RANBP2: variants seen among roughly 807,000 people sequenced by gnomAD.
The protein encoded by RANBP2 is RAN binding protein 2, also known as E3 SUMO-protein ligase RanBP2.
In RANBP2, 57 loss-of-function variants were observed where a neutral mutation model predicts 303.6. That is an observed-to-expected ratio of 0.19 (90% confidence interval 0.15 to 0.23). The LOEUF (loss-of-function observed/expected upper bound fraction) is 0.23. Among genes scored for constraint, RANBP2 ranks in the 10% least tolerant of loss-of-function variants. The pLI is 1.00. For missense variants in RANBP2, 3,138 were observed against 3,780.8 expected (o/e 0.83, Z 4.46); for synonymous variants, 1,167 against 1,301.5 (o/e 0.90, Z 2.23).
At chr2:108,845,511 T>C in the RANBP2 span, among the ~76,000 whole-genome samples, 1 of 152,142 alleles carries the variant, frequency 6.6e-6, no homozygotes, top group African/African-American at 2.4e-5. Context: ...TTTAAGTTTT[T>C]ACCAAATCTG....
At chr2:109,117,926 G>A in the RANBP2 span, among the ~76,000 whole-genome samples, 1 of 152,196 alleles carries the variant, frequency 6.6e-6, no homozygotes, top group Admixed American at 6.5e-5. Flanking sequence ...CTGCCTTGAG[G>A]AACAGAATGC....
At chr2:108,895,483 A>G in the RANBP2 span, 1 of 152,286 alleles carries the variant, frequency 6.6e-6, no homozygotes, top group Non-Finnish European at 1.5e-5. Flanking sequence ...CAGTTTATTA[A>G]CTTTCTGCCT....
At chr2:108,877,685 A>C in the RANBP2 span, among the ~76,000 whole-genome samples, 1 of 152,320 alleles carries the variant, frequency 6.6e-6, no homozygotes, top group South Asian at 2.1e-4. Flanking sequence ...TCTGAAGAAA[A>C]GAACAGAACA....
the RANBP2 span, among the ~76,000 whole-genome samples, chr2:109,088,656 C>T: frequency 1.3e-5 from 2 of 151,902 alleles, no homozygotes. Flanking sequence ...GGACAATAGG[C>T]GTGCACCACC....
At chr2:109,133,600 G>A in the RANBP2 span, among the ~76,000 whole-genome samples, 2 of 151,982 alleles carry the variant, frequency 1.3e-5, no homozygotes, top group African/African-American at 2.4e-5. Flanking sequence ...TGAATAGAGC[G>A]TCATTTAGAT....
chr2:108,782,714 G>A lies in RANBP2; in HGVS notation c.9221G>A (p.Gly3074Asp). 6.2e-7 allele frequency: 1 copy of A among 1,614,200 alleles called. No individual in the cohort carries two copies. The highest frequency in any genetic ancestry group is 1.1e-5 in the South Asian group (1 of 91,084). Reference protein sequence around the residue: ...PVVFFDVCADGEPLGRITMEL... With the variant: ...PVVFFDVCADDEPLGRITMEL... ...GTGTTTTTTGATGTTTGTGCGGACGGTGAACCTCTAGGGCGGATAACTATG... is the reference window on the plus strand; with the variant it reads ...GTGTTTTTTGATGTTTGTGCGGACGATGAACCTCTAGGGCGGATAACTATG... The change falls in exon 28 of 29, where the codon GGT becomes GAT. Residue 3074 changes from glycine (G) to aspartate (D), a missense_variant. Gly to Asp is a moderately conservative substitution (Grantham distance 94, BLOSUM62 -1). Coordinates refer to ENST00000283195, the MANE Select transcript of RANBP2 (RefSeq NM_006267.5).
At chr2:109,203,975 A>G in the RANBP2 span, among the ~76,000 whole-genome samples, 1 of 152,314 alleles carries the variant, frequency 6.6e-6, no homozygotes, top group East Asian at 1.9e-4. Context: ...TCCAGTGTGA[A>G]GCATTTGTGG....
At chr2:108,770,312 C>A (rs780617387) in intron 20 of RANBP2, among the ~76,000 whole-genome samples, 1 of 152,174 alleles carries the variant, frequency 6.6e-6, no homozygotes, top group African/African-American at 2.4e-5. Context: ...CTGTATCTTA[C>A]GGTGTACTGT....
At chr2:109,375,780 G>A in the RANBP2 span, among the ~76,000 whole-genome samples, 7 of 152,344 alleles carry the variant, frequency 4.6e-5, no homozygotes, top group Non-Finnish European at 1.0e-4. Context: ...GACCTGCTTG[G>A]GGTCAGGCCT....
At chr2:109,498,166 C>T in the RANBP2 span, among the ~76,000 whole-genome samples, 1 of 152,210 alleles carries the variant, frequency 6.6e-6, no homozygotes, top group Non-Finnish European at 1.5e-5. Flanking sequence ...TTCCCGCCTG[C>T]ATGTCCCTGA....
chr2:109,152,760 C>A, the RANBP2 span, among the ~76,000 whole-genome samples: 1 of 152,150 alleles, frequency 6.6e-6, no homozygotes, highest in African/African-American at 2.4e-5. Flanking sequence ...GCGGGGGGGA[C>A]CCAGTGTCCC....
At chr2:108,737,395 A>G (rs1324814040) in intron 6 of RANBP2, among the ~76,000 whole-genome samples, 2 of 138,548 alleles carry the variant, frequency 1.4e-5, no homozygotes, top group African/African-American at 5.7e-5. Flanking sequence ...CTGGAGTGCA[A>G]TGGAACGACC....
chr2:108,987,913 T>C, the RANBP2 span, among the ~76,000 whole-genome samples: 11 of 152,216 alleles, frequency 7.2e-5, no homozygotes, highest in Non-Finnish European at 1.5e-4. Context: ...CAAGAAACAT[T>C]CTCTATTTTA....
chr2:109,249,538 TCC>T, the RANBP2 span, among the ~76,000 whole-genome samples: 8 of 112,296 alleles, frequency 7.1e-5, no homozygotes, highest in South Asian at 3.0e-4. Flanking sequence ...TTTCTTTCCT[TCC>T]TTCCTTCCTT....
chr2:108,730,366 T>G (rs826527), intron 2 of RANBP2, among the ~76,000 whole-genome samples: 52,088 of 149,478 alleles, frequency 0.35, 12,262 homozygotes, highest in African/African-American at 0.68. Flanking sequence ...TTTCCCTTTG[T>G]TGTTTGGGAA....
At chr2:108,849,986 G>T in the RANBP2 span, among the ~76,000 whole-genome samples, 1 of 152,220 alleles carries the variant, frequency 6.6e-6, no homozygotes, top group African/African-American at 2.4e-5. Flanking sequence ...GGATGCATGG[G>T]CCAGTGAATA....
At chr2:109,594,171 CTG>C in the RANBP2 span, among the ~76,000 whole-genome samples, 1 of 152,186 alleles carries the variant, frequency 6.6e-6, no homozygotes, top group African/African-American at 2.4e-5. Flanking sequence ...ACAAGAAAAA[CTG>C]TACTAATTCC....
the RANBP2 span, among the ~76,000 whole-genome samples, chr2:109,499,008 C>A: frequency 6.6e-6 from 1 of 152,178 alleles, no homozygotes; most frequent in Non-Finnish European, 1.5e-5. Flanking sequence ...GGCGTTTAGA[C>A]TGTGGCCCCT....
At chr2:109,168,090 A>G in the RANBP2 span, among the ~76,000 whole-genome samples, 2 of 152,206 alleles carry the variant, frequency 1.3e-5, no homozygotes, top group East Asian at 3.9e-4. Flanking sequence ...TACACACCCA[A>G]TTAAGACAGG....
Sources: allele counts gnomAD v4.1 joint callset (sites outside exome capture counted in the v4.1 genomes callset), GRCh38; gene constraint gnomAD v4.1.1; transcripts MANE v1.5; gene names NCBI Gene and HGNC (gene_info 2026-07-23, HGNC 2026-07-21).